Variants in CYP2W1 observed in about 807,000 individuals in gnomAD.
The protein encoded by CYP2W1 is cytochrome P450 family 2 subfamily W member 1.
CYP2W1 carries 51 observed loss-of-function variants against 44.9 expected under a neutral mutation model. That is an observed-to-expected ratio of 1.14 (90% confidence interval 0.91 to 1.43). The LOEUF (loss-of-function observed/expected upper bound fraction) is 1.43, where lower values mean the gene tolerates loss of function less well. CYP2W1 is among the 40% of genes most tolerant of loss of function. The probability of loss-of-function intolerance (pLI) is 0.00; values close to 1 mark genes in which losing one functional copy is unlikely to be tolerated. For missense variants in CYP2W1, 746 were observed against 700.0 expected, an observed-to-expected ratio of 1.07 and a Z score of -0.74; for synonymous variants, 383 against 338.3, an observed-to-expected ratio of 1.13 and a Z score of -1.45.
rs1425811033 is a variant in CYP2W1, at chr7:984,534, G to A, written c.297G>A (p.Arg99=). The A allele has an allele frequency of 2.6e-6, 4 of 1,555,242 alleles. No homozygotes were observed. The African/African-American group carries it at 5.4e-5, about 21-fold the overall frequency. The change falls in exon 2 of 9, where the codon CGG becomes CGA. Residue 99 remains arginine (R), a synonymous_variant. Transcript: ENST00000308919. ...LAGPGQELAD[R]PPIAIFQLIQ... ...GCCCCGGGCAGGAGCTGGCCGACCG[G>A]CCTCCCATCGCCATCTTCCAGCTCA...
chr7:983,414 C>G, intron 1 of CYP2W1, 29 bp downstream of exon 1: 1 of 1,453,220 alleles, frequency 6.9e-7, no homozygotes, highest in Non-Finnish European at 9.1e-7. Flanking sequence ...GCAGCTCTTG[C>G]CGCTTGGACA....
At position 988,624 on chromosome 7, in the gene CYP2W1, A is replaced by G. The variant is rs1339863078; in HGVS notation, c.1286-11A>G. 7.5e-6 allele frequency: 12 copies of G among 1,602,696 alleles called. No homozygotes were observed. The highest frequency in any genetic ancestry group is 1.3e-5 in the African/African-American group (1 of 74,544). On this transcript the variant is annotated splice_polypyrimidine_tract_variant and intron_variant, in intron 8 of 8. Coordinates refer to ENST00000308919, the MANE Select transcript of CYP2W1 (RefSeq NM_017781.3). ...GGTGCAGCCCACTCTGTGCCTGGAC[A>G]TCCCCCGCAGGCCGCCGCGTCTGTG...
Position 988,808 on chromosome 7 carries a change from G to C in CYP2W1, c.1459G>C (p.Val487Leu). Residue 487 changes from valine to leucine, a missense_variant, in exon 9 of 9, where the codon GTG becomes CTG. Coordinates refer to ENST00000308919, the MANE Select transcript of CYP2W1 (RefSeq NM_017781.3). ...GCCGAGGGCCCAGGCCCTGTGTGCGGTGCCCAGGCCCTAGGAGCTCCCCCA... is the reference window on the plus strand; with the variant it reads ...GCCGAGGGCCCAGGCCCTGTGTGCGCTGCCCAGGCCCTAGGAGCTCCCCCA... The part of the protein sequence containing the change: ...MRPRAQALCA[V>L]PRP The C allele has an allele frequency of 1.3e-6, 2 of 1,582,384 alleles. No homozygotes were observed. Among genetic ancestry groups the C allele is most frequent in the Non-Finnish European group, 1.7e-6 (2 of 1,169,846 alleles).
At chr7:985,394 G>A (rs1848259541) in intron 4 of CYP2W1, 71 bp downstream of exon 4, 1 of 1,502,604 alleles carries the variant, frequency 6.7e-7, no homozygotes, top group Admixed American at 2.0e-5. Flanking sequence ...GGAGGACGGG[G>A]GCCCCAGTGC....
chr7:988,060 C>T (rs1848529690), intron 7 of CYP2W1, among the ~76,000 whole-genome samples: 1 of 123,482 alleles, frequency 8.1e-6, no homozygotes, highest in Non-Finnish European at 1.6e-5. Context: ...GCGTCCCTCT[C>T]CATGCATCCT....
chr7:984,808 C>G, intron 2 of CYP2W1, 142 bp from the exon 3 acceptor site: 1 of 1,273,460 alleles, frequency 7.9e-7, no homozygotes, highest in Non-Finnish European at 1.1e-6. Context: ...CCAGGGCCAG[C>G]CCAGGGGGAC....
chr7:984,427 G>C lies in CYP2W1; in HGVS notation c.190G>C (p.Gly64Arg), dbSNP rs369965540. Residue 64 changes from glycine (G) to arginine (R), a missense_variant, in exon 2 of 9, where the codon GGG becomes CGG. Physicochemically the swap from Gly to Arg is moderately radical, Grantham distance 125. Transcript: ENST00000308919. ...RSLMELSERYGPVFTVHLGRQ... is the reference protein window; with the variant it reads ...RSLMELSERYRPVFTVHLGRQ... ...TCCCTGCCAGCTCTCAGAACGCTAC[G>C]GGCCGGTGTTCACCGTGCACCTGGG... The C allele has an allele frequency of 5.8e-6, 9 of 1,548,224 alleles. No homozygotes were observed. The Admixed American group carries it at 7.8e-5, about 13-fold the overall frequency.
In CYP2W1 at chr7:989,118, C is replaced by T; in HGVS notation, c.*296C>T. The stretch of plus-strand genomic sequence containing the variant: ...CCACCCCTGAAGCTGCACTCCCACC[C>T]ACCTAGCTCCCCCCAGGGCCCCCCA... On this transcript the variant is annotated 3_prime_UTR_variant, in exon 9 of 9. Coordinates refer to ENST00000308919, the MANE Select transcript of CYP2W1 (RefSeq NM_017781.3). 1 of 418,150 alleles carries T rather than the reference C, an allele frequency of 2.4e-6. No homozygotes were observed. The highest frequency in any genetic ancestry group is 3.9e-5 in the Admixed American group (1 of 25,932). The allele number at this position is 418,150 out of a possible 1,614,324, so 25.9% of individuals were successfully genotyped here.
In CYP2W1 at chr7:988,372, G is replaced by T; in HGVS notation, c.1239G>T (p.Ala413=). 1 of 1,612,670 alleles carries T rather than the reference G, an allele frequency of 6.2e-7. No individual in the cohort carries two copies. Among genetic ancestry groups the T allele is most frequent in the African/African-American group, 1.3e-5 (1 of 75,018 alleles). The change falls in exon 8 of 9, where the codon GCG becomes GCT. Residue 413 remains alanine, a synonymous_variant. Transcript: ENST00000308919. ...GQFNPGHFLD[A]NGHFVKREAF... is the part of the protein sequence containing the mutation. ...TCAACCCCGGCCATTTCCTGGACGC[G>T]AATGGGCACTTTGTGAAGCGGGAGG...
intron 7 of CYP2W1, 28 bp from the exon 8 acceptor site, chr7:988,249 T>G (rs1395052582): frequency 6.4e-7 from 1 of 1,552,694 alleles, no homozygotes; most frequent in East Asian, 2.3e-5. Context: ...CCGGGGCCCC[T>G]CTCTCTGTGC....
chr7:984,568 G>A lies in CYP2W1; in HGVS notation c.331G>A (p.Gly111Ser), dbSNP rs1224198810. 1 of 1,560,900 alleles carries A rather than the reference G, an allele frequency of 6.4e-7. No individual in the cohort carries two copies. Among genetic ancestry groups the A allele is most frequent in the Non-Finnish European group, 8.6e-7 (1 of 1,156,214 alleles). Residue 111 changes from glycine to serine, a missense_variant, in exon 2 of 9, where the codon GGT (glycine) becomes AGT (serine). Transcript: ENST00000308919. ...PIAIFQLIQRGGGIFFSSGAR... is the reference protein window; with the variant it reads ...PIAIFQLIQRSGGIFFSSGAR... ...CGCCATCTTCCAGCTCATCCAGCGA[G>A]GTGGAGGTCGGTGTGTGGCCGGCGC...
chr7:987,666 C>T (rs1288878402), intron 7 of CYP2W1, 135 bp downstream of exon 7: 21 of 913,016 alleles, frequency 2.3e-5, no homozygotes, highest in Non-Finnish European at 3.3e-5. Context: ...CAATAAAGGG[C>T]GTCCAGCCAG....
Position 986,444 on chromosome 7 carries a change from T to C in CYP2W1, c.646-180T>C, listed in dbSNP as rs1848350892. ...CCCCTTCCGGGACACGGACAGGGGG[T>C]TTCCTGGCAGTTCCTGGTCCTCCCT... On this transcript the variant is annotated intron_variant, in intron 4 of 8. Coordinates refer to ENST00000308919, the MANE Select transcript of CYP2W1 (RefSeq NM_017781.3). 7.5e-6 allele frequency: 5 copies of C among 669,456 alleles called. No individual in the cohort carries two copies. In the Admixed American group the frequency reaches 9.2e-5, roughly 12 times the overall value. 41.5% of individuals were successfully genotyped at this position (669,456 alleles called of 1,614,324 possible).
Position 987,230 on chromosome 7 carries a change from C to T in CYP2W1, c.943C>T (p.His315Tyr), listed in dbSNP as rs572801095. The stretch of plus-strand genomic sequence containing the variant: ...GTGGGCCGCACTTCTGATGGGCCGG[C>T]ACCCGGACGTGCAGGGTGAGACCCC... ...LQWAALLMGRHPDVQGRVQEE... is the reference protein window; with the variant it reads ...LQWAALLMGRYPDVQGRVQEE... Residue 315 changes from histidine to tyrosine, a missense_variant, in exon 6 of 9, where the codon CAC becomes TAC. Coordinates refer to ENST00000308919, the MANE Select transcript of CYP2W1 (RefSeq NM_017781.3). 3.4e-5 allele frequency: 52 copies of T among 1,534,562 alleles called. No individual in the cohort carries two copies. In the African/African-American group the frequency reaches 4.8e-4, roughly 14 times the overall value.
intron 4 of CYP2W1, among the ~76,000 whole-genome samples, chr7:985,717 C>T (rs952946069): frequency 2.0e-5 from 3 of 152,236 alleles, no homozygotes; most frequent in Non-Finnish European, 4.4e-5. Flanking sequence ...AAAGTTCACC[C>T]CTCTGATGTT....
chr7:987,593 G>A (rs1166349123), intron 7 of CYP2W1, 62 bp downstream of exon 7: 14 of 1,416,308 alleles, frequency 9.9e-6, no homozygotes, highest in Non-Finnish European at 1.3e-5. Context: ...CGGGGGTCCA[G>A]GGGCACTGGG....
intron 1 of CYP2W1, among the ~76,000 whole-genome samples, 172 bp from the exon 2 acceptor site, chr7:984,240 G>A (rs1183182798): frequency 6.6e-6 from 1 of 152,206 alleles, no homozygotes. Context: ...CAGGCTGGGC[G>A]CTGCCCCCTC....
rs766440008 is a variant in CYP2W1, at chr7:988,274, C to G, written c.1144-3C>G. 6.3e-7 allele frequency: 1 copy of G among 1,576,508 alleles called. No homozygotes were observed. ...TCTCTCTGTGCCCCGGCTGCCCCCACAGGGCACGCCCGTGATTCCCCTGCT... is the reference window on the plus strand; with the variant it reads ...TCTCTCTGTGCCCCGGCTGCCCCCAGAGGGCACGCCCGTGATTCCCCTGCT... On this transcript the variant is annotated splice_region_variant and splice_polypyrimidine_tract_variant and intron_variant, in intron 7 of 8. Coordinates refer to ENST00000308919, the MANE Select transcript of CYP2W1 (RefSeq NM_017781.3).
At position 985,306 on chromosome 7, in the gene CYP2W1, G is replaced by C. The variant is rs761459068; in HGVS notation, c.628G>C (p.Gly210Arg). ...GLIDEVMVLLGSPGLQLFNVY... is the reference protein window; with the variant it reads ...GLIDEVMVLLRSPGLQLFNVY... ...CATCGATGAGGTCATGGTCCTCTTGGGGTCCCCTGGCCTGCAGGTGAGGAG... is the reference window on the plus strand; with the variant it reads ...CATCGATGAGGTCATGGTCCTCTTGCGGTCCCCTGGCCTGCAGGTGAGGAG... Residue 210 changes from glycine (G) to arginine (R), a missense_variant, in exon 4 of 9, where the codon GGG becomes CGG. Coordinates refer to ENST00000308919, the MANE Select transcript of CYP2W1 (RefSeq NM_017781.3). 1 of 1,551,088 alleles carries C rather than the reference G, an allele frequency of 6.4e-7. No individual in the cohort carries two copies. The highest frequency in any genetic ancestry group is 1.4e-5 in the African/African-American group (1 of 73,238).
Sources: allele counts gnomAD v4.1 joint callset (sites outside exome capture counted in the v4.1 genomes callset), GRCh38; gene constraint gnomAD v4.1.1; transcripts MANE v1.5; gene names NCBI Gene and HGNC (gene_info 2026-07-23, HGNC 2026-07-21).